Variants in NCBP1 observed in about 807,000 individuals in gnomAD.
NCBP1 encodes nuclear cap binding protein subunit 1, also known as nuclear cap-binding protein subunit 1.
In NCBP1, 16 loss-of-function variants were observed where a neutral mutation model predicts 111.7. That is an observed-to-expected ratio of 0.14 (90% CI 0.10 to 0.22). The LOEUF (loss-of-function observed/expected upper bound fraction) is 0.22, where lower values mean the gene tolerates loss of function less well. NCBP1 is among the 10% of genes least tolerant of loss of function. NCBP1 has a pLI of 1.00. For missense variants in NCBP1, 607 were observed against 957.5 expected (o/e 0.63, Z 4.83); for synonymous variants, 304 against 314.3 (o/e 0.97, Z 0.35).
At chr9:97,638,931 C>T (rs903014877) in intron 1 of NCBP1, among the ~76,000 whole-genome samples, 14 of 152,060 alleles carry the variant, frequency 9.2e-5, no homozygotes, top group Non-Finnish European at 1.8e-4. Context: ...TGGCAGCTTG[C>T]GTAAATATTA....
At chr9:97,670,167 C>T (rs781176364) in intron 22 of NCBP1, 10 of 230,644 alleles carry the variant, frequency 4.3e-5, no homozygotes, top group Non-Finnish European at 7.9e-5. Flanking sequence ...AGGAGGCCTC[C>T]GCCTCCCAAA....
At position 97,655,362 on chromosome 9, in the gene NCBP1, G is replaced by A. The variant is rs1010929266; in HGVS notation, c.1236-340G>A. Among the ~76,000 whole-genome samples the A allele has an allele frequency of 2.0e-5, 3 of 152,024 alleles. No homozygotes were observed. The South Asian group carries it at 6.2e-4, about 32-fold the overall frequency. On this transcript the variant is annotated intron_variant, in intron 12 of 22. Transcript: ENST00000375147. ...CCCGAGTAGCTGGGATTACAGGCAT[G>A]AGCCACTGCACCTGGCCTACAATTT...
chr9:97,644,733 AG>A (rs1827287287), intron 4 of NCBP1, among the ~76,000 whole-genome samples: 1 of 152,244 alleles, frequency 6.6e-6, no homozygotes, highest in Non-Finnish European at 1.5e-5. Context: ...AGTATAGCAT[AG>A]AAACGTATGA....
chr9:97,643,231 A>C lies in NCBP1; in HGVS notation c.252A>C (p.Thr84=), dbSNP rs139038837. 4.4e-5 allele frequency: 71 copies of C among 1,608,604 alleles called. No homozygotes were observed. The highest frequency in any genetic ancestry group is 5.7e-5 in the Non-Finnish European group (67 of 1,178,612). ...CACGCCTATTACCTGAGAAGCTGAC[A>C]ATTTATACAACATTAGTTGGACTAC... is the stretch of plus-strand genomic sequence containing the variant. ...TVARLLPEKL[T]IYTTLVGLLN... is the part of the protein sequence containing the mutation. The change falls in exon 4 of 23, where the codon ACA becomes ACC. Residue 84 remains threonine (T), a synonymous_variant. Transcript: ENST00000375147.
chr9:97,639,435 A>G (rs1052333800), intron 1 of NCBP1, among the ~76,000 whole-genome samples: 1 of 152,210 alleles, frequency 6.6e-6, no homozygotes, highest in Non-Finnish European at 1.5e-5. Flanking sequence ...GAATCACCAT[A>G]CATCATTTTC....
chr9:97,649,960 A>G (rs1827455453), intron 8 of NCBP1, among the ~76,000 whole-genome samples: 1 of 152,194 alleles, frequency 6.6e-6, no homozygotes, highest in Admixed American at 6.5e-5. Flanking sequence ...TGTAAAAAAA[A>G]GATTAGAATC....
intron 3 of NCBP1, among the ~76,000 whole-genome samples, chr9:97,642,236 C>T (rs979028497): frequency 6.6e-6 from 1 of 152,050 alleles, no homozygotes; most frequent in Non-Finnish European, 1.5e-5. Context: ...CTTCTGAAAT[C>T]CTTTATTAAA....
chr9:97,670,536 C>CGA (rs148122383), intron 22 of NCBP1, among the ~76,000 whole-genome samples: 6,250 of 152,266 alleles, frequency 0.041, 449 homozygotes, highest in African/African-American at 0.14. Flanking sequence ...AGAAGTCACT[C>CGA]TAAGTTCAAT....
intron 3 of NCBP1, 68 bp from the exon 4 acceptor site, chr9:97,643,136 C>T: frequency 7.0e-7 from 1 of 1,427,078 alleles, no homozygotes; most frequent in African/African-American, 1.5e-5. Flanking sequence ...TAAAAAGATT[C>T]ACATAAAATT....
At chr9:97,668,629 A>G (rs1355609842) in intron 20 of NCBP1, among the ~76,000 whole-genome samples, 2 of 152,156 alleles carry the variant, frequency 1.3e-5, no homozygotes, top group Non-Finnish European at 2.9e-5. Context: ...CCTGGCCTAG[A>G]TAAGAACCCA....
Position 97,644,773 on chromosome 9 carries a change from C to T in NCBP1, c.382-344C>T, listed in dbSNP as rs543707154. On this transcript the variant is annotated intron_variant, in intron 4 of 22. Transcript: ENST00000375147. ...CACAGATTACTGTCCTTTATATAGT[C>T]TTTGTTACAACTTCTCAATTCTGCC... Among the ~76,000 whole-genome samples, 36 of 152,286 alleles carry T rather than the reference C, an allele frequency of 2.4e-4. No individual in the cohort carries two copies. The South Asian group carries it at 7.3e-3, about 31-fold the overall frequency.
intron 20 of NCBP1, among the ~76,000 whole-genome samples, chr9:97,667,251 T>C (rs1417936121): frequency 6.6e-6 from 1 of 152,186 alleles, no homozygotes; most frequent in Non-Finnish European, 1.5e-5. Flanking sequence ...TTCCCCGTAC[T>C]GTGAGGAGGA....
chr9:97,665,102 C>CTT (rs888412297), intron 19 of NCBP1, among the ~76,000 whole-genome samples: 1 of 152,166 alleles, frequency 6.6e-6, no homozygotes, highest in African/African-American at 2.4e-5. Context: ...CTTGTAAAAA[C>CTT]ATAAAAGTCC....
rs1485585000 is a variant in NCBP1, at chr9:97,658,471, T to C, written c.1374-169T>C. Reference sequence around the variant, plus strand: ...GTGAGTTTTGCAGTATGCCTGAGATTTGGTGTGCTGGCTTAGACAAAAACT... The same window carrying C: ...GTGAGTTTTGCAGTATGCCTGAGATCTGGTGTGCTGGCTTAGACAAAAACT... On this transcript the variant is annotated intron_variant, in intron 14 of 22. Transcript: ENST00000375147. Among the ~76,000 whole-genome samples the C allele has an allele frequency of 1.3e-5, 2 of 152,202 alleles. 1 individual carries two copies. Among genetic ancestry groups the C allele is most frequent in the Non-Finnish European group, 2.9e-5 (2 of 68,040 alleles).
Position 97,654,949 on chromosome 9 carries a change from A to G in NCBP1, c.1235+5A>G. ...GAACACTACCTGTGTAGACAGGTAC[A>G]GTAATCGCTTTACTGCTGAGCTGAG... On this transcript the variant is annotated splice_donor_5th_base_variant and intron_variant, in intron 12 of 22. Coordinates refer to ENST00000375147, the MANE Select transcript of NCBP1 (RefSeq NM_002486.5). 6.3e-7 allele frequency: 1 copy of G among 1,583,032 alleles called. No individual in the cohort carries two copies. Among genetic ancestry groups the G allele is most frequent in the Admixed American group, 1.8e-5 (1 of 54,310 alleles).
At chr9:97,667,886 T>C (rs895852266) in intron 20 of NCBP1, among the ~76,000 whole-genome samples, 1 of 152,146 alleles carries the variant, frequency 6.6e-6, no homozygotes, top group Non-Finnish European at 1.5e-5. Flanking sequence ...ATCTATTAGG[T>C]AGTAGTGCTC....
chr9:97,656,407 C>A (rs1206284830), intron 14 of NCBP1, among the ~76,000 whole-genome samples: 5 of 152,180 alleles, frequency 3.3e-5, no homozygotes, highest in Admixed American at 3.3e-4. Context: ...ATGGGGAAAC[C>A]CCCTCTCTAC....
At chr9:97,645,268 G>T (rs914215583) in intron 5 of NCBP1, 44 bp downstream of exon 5, 1 of 1,431,096 alleles carries the variant, frequency 7.0e-7, no homozygotes, top group Non-Finnish European at 9.8e-7. Flanking sequence ...TTCTTGAGGG[G>T]TTACTGAATC....
At chr9:97,639,956 C>T (rs778498348) in intron 1 of NCBP1, among the ~76,000 whole-genome samples, 2 of 152,012 alleles carry the variant, frequency 1.3e-5, no homozygotes, top group Non-Finnish European at 2.9e-5. Context: ...AGAGATTATT[C>T]GAATGATATG....
Sources: gnomAD v4.1 joint callset for allele counts (sites outside exome capture counted in the v4.1 genomes callset) on GRCh38, gnomAD v4.1.1 for gene constraint, MANE v1.5 for transcripts, NCBI Gene and HGNC (gene_info 2026-07-23, HGNC 2026-07-21) for gene names.